Variants in SGPP2 observed in about 807,000 individuals in gnomAD.
SGPP2 encodes sphingosine 1-phosphate phosphohydrolase 2.
A neutral mutation model predicts 33.9 loss-of-function variants in SGPP2; 30 were observed. The ratio of observed to expected loss-of-function variants is 0.89; its 90% CI spans 0.66 to 1.20. SGPP2 has a LOEUF of 1.20. Ranked by LOEUF, SGPP2 falls within the 50% of genes most tolerant of loss-of-function variation. The pLI is 0.00. For missense variants in SGPP2, 458 were observed against 532.1 expected (o/e 0.86, Z 1.37); for synonymous variants, 233 against 225.0 (o/e 1.04, Z -0.32).
chr2:222,527,468 A>C (rs1234300895), intron 4 of SGPP2, among the ~76,000 whole-genome samples: 1 of 152,200 alleles, frequency 6.6e-6, no homozygotes, highest in African/African-American at 2.4e-5. Context: ...ATGGGGTTTC[A>C]AATATCTTCA....
At chr2:222,462,644 C>G (rs541275552) in intron 1 of SGPP2, among the ~76,000 whole-genome samples, 2 of 152,064 alleles carry the variant, frequency 1.3e-5, no homozygotes, top group Admixed American at 6.6e-5. Context: ...ATCACAATTT[C>G]GTTAAGATAC....
At chr2:222,539,768 G>A (rs1698964519) in intron 4 of SGPP2, among the ~76,000 whole-genome samples, 1 of 152,170 alleles carries the variant, frequency 6.6e-6, no homozygotes, top group South Asian at 2.1e-4. Context: ...AATTTCCAAG[G>A]GAGCCATTTT....
chr2:222,524,417 T>C (rs1698727467), intron 3 of SGPP2, among the ~76,000 whole-genome samples: 1 of 152,212 alleles, frequency 6.6e-6, no homozygotes, highest in Non-Finnish European at 1.5e-5. Flanking sequence ...GCAGCAAATG[T>C]TGAGAGTCAG....
At chr2:222,547,725 A>G (rs1446310895) in intron 4 of SGPP2, among the ~76,000 whole-genome samples, 1 of 152,208 alleles carries the variant, frequency 6.6e-6, no homozygotes, top group Admixed American at 6.5e-5. Flanking sequence ...AATTAAAATT[A>G]TAATTGTTTT....
intron 1 of SGPP2, among the ~76,000 whole-genome samples, chr2:222,467,164 G>A (rs115812332): frequency 0.016 from 2,488 of 152,240 alleles, 68 homozygotes; most frequent in African/African-American, 0.057. Flanking sequence ...CAGCAACATG[G>A]CAACGTCAAC....
chr2:222,459,939 G>A (rs1010094571), intron 1 of SGPP2, among the ~76,000 whole-genome samples: 1 of 152,154 alleles, frequency 6.6e-6, no homozygotes, highest in Non-Finnish European at 1.5e-5. Context: ...TCTGGAAACT[G>A]CATTCTTGTG....
At chr2:222,513,011 CATATGGTAAGA>C (rs1244398318) in intron 2 of SGPP2, among the ~76,000 whole-genome samples, 1 of 152,178 alleles carries the variant, frequency 6.6e-6, no homozygotes, top group Non-Finnish European at 1.5e-5. Flanking sequence ...ACATCTGAGT[CATATGGTAAGA>C]GTATGTTTAG....
rs186129299 is a variant in SGPP2 at position 222,553,286 on chromosome 2, C to T, written c.649-5061C>T. 2.0e-4 allele frequency among the ~76,000 whole-genome samples: 31 copies of T among 152,164 alleles called. No individual in the cohort carries two copies. In the East Asian group the frequency reaches 5.4e-3, roughly 26 times the overall value. On this transcript the variant is annotated intron_variant, in intron 4 of 4. Coordinates refer to ENST00000321276, the MANE Select transcript of SGPP2 (RefSeq NM_152386.4). ...AGCACCAATAAGATCTTGATGGAAG[C>T]GATTAAAGTGTGCTGTACATAAAAC...
intron 3 of SGPP2, among the ~76,000 whole-genome samples, chr2:222,524,472 G>C (rs1374139530): frequency 6.6e-6 from 1 of 152,218 alleles, no homozygotes; most frequent in South Asian, 2.1e-4. Flanking sequence ...CAAATATGCC[G>C]ATTCTGACTT....
chr2:222,558,245 A>G, intron 4 of SGPP2, 102 bp from the exon 5 acceptor site: 1 of 1,260,894 alleles, frequency 7.9e-7, no homozygotes, highest in South Asian at 1.5e-5. Flanking sequence ...CAATGCAAAA[A>G]TTGTGTTTTA....
At chr2:222,469,465 G>A (rs1697806086) in intron 1 of SGPP2, among the ~76,000 whole-genome samples, 1 of 152,226 alleles carries the variant, frequency 6.6e-6, no homozygotes, top group African/African-American at 2.4e-5. Context: ...TTACAGGCAT[G>A]AGCCATCGCG....
intron 2 of SGPP2, among the ~76,000 whole-genome samples, chr2:222,518,238 T>C (rs1235638654): frequency 3.3e-5 from 5 of 152,218 alleles, no homozygotes; most frequent in Non-Finnish European, 7.3e-5. Flanking sequence ...TATTTTTAAA[T>C]AAAATGAATG....
intron 4 of SGPP2, among the ~76,000 whole-genome samples, chr2:222,545,797 T>C (rs970898462): frequency 1.3e-5 from 2 of 152,162 alleles, no homozygotes; most frequent in African/African-American, 2.4e-5. Flanking sequence ...GAGTTCAGAA[T>C]TGAGCCGGGC....
At chr2:222,536,419 G>A (rs148965219) in intron 4 of SGPP2, among the ~76,000 whole-genome samples, 44 of 152,250 alleles carry the variant, frequency 2.9e-4, no homozygotes, top group Admixed American at 5.2e-4. Context: ...AGTGGCACAC[G>A]CCTGTAATCC....
intron 2 of SGPP2, among the ~76,000 whole-genome samples, chr2:222,491,816 G>A (rs1021718128): frequency 6.6e-6 from 1 of 152,112 alleles, no homozygotes; most frequent in Non-Finnish European, 1.5e-5. Flanking sequence ...TCTCATCTGA[G>A]ACAAGGCAAG....
intron 1 of SGPP2, among the ~76,000 whole-genome samples, chr2:222,434,340 A>G (rs867142384): frequency 6.6e-6 from 1 of 152,170 alleles, no homozygotes; most frequent in East Asian, 1.9e-4. Flanking sequence ...GCACAGCGCA[A>G]TATCTCAGCA....
chr2:222,506,042 A>G (rs112547712), intron 2 of SGPP2, among the ~76,000 whole-genome samples: 355 of 152,324 alleles, frequency 2.3e-3, no homozygotes, highest in African/African-American at 8.1e-3. Context: ...AAACACATGT[A>G]AAGATGCAGT....
chr2:222,471,166 C>G (rs548388526), intron 1 of SGPP2, among the ~76,000 whole-genome samples: 1 of 152,168 alleles, frequency 6.6e-6, no homozygotes, highest in Non-Finnish European at 1.5e-5. Context: ...GTACTTACCC[C>G]TGACCAGTAA....
In SGPP2 at chr2:222,561,779, C is replaced by G. The variant is rs1036490069; in HGVS notation, c.*2881C>G. On this transcript the variant is annotated 3_prime_UTR_variant, in exon 5 of 5. Coordinates refer to ENST00000321276, the MANE Select transcript of SGPP2 (RefSeq NM_152386.4). ...GAAAAGTGTATATTGGTGACGCCAA[C>G]CTCAGTTTCTGAGCACTCCTGCTCT... 4.0e-5 allele frequency among the ~76,000 whole-genome samples: 6 copies of G among 151,836 alleles called. No homozygotes were observed. The highest frequency in any genetic ancestry group is 1.5e-5 in the Non-Finnish European group (1 of 67,988).
Sources: gnomAD v4.1 joint callset for allele counts (sites outside exome capture counted in the v4.1 genomes callset) on GRCh38, gnomAD v4.1.1 for gene constraint, MANE v1.5 for transcripts, NCBI Gene and HGNC (gene_info 2026-07-23, HGNC 2026-07-21) for gene names.